Variants in SP140 observed in about 807,000 individuals in gnomAD.
SP140 encodes the protein SP140 nuclear body protein, also known as nuclear body protein SP140.
A neutral mutation model predicts 125.0 loss-of-function variants in SP140; 81 were observed. The ratio of observed to expected loss-of-function variants is 0.65; its 90% CI spans 0.54 to 0.78. SP140 has a LOEUF of 0.78. SP140 is among the 30% of genes least tolerant of loss of function. SP140 has a pLI of 0.00. For missense variants in SP140, 858 were observed against 1,037.0 expected, an observed-to-expected ratio of 0.83 and a Z score of 2.37; for synonymous variants, 312 against 354.0, an observed-to-expected ratio of 0.88 and a Z score of 1.33.
At chr2:230,274,355 A>T (rs775345606) in intron 15 of SP140, among the ~76,000 whole-genome samples, 3 of 152,176 alleles carry the variant, frequency 2.0e-5, no homozygotes, top group Non-Finnish European at 4.4e-5. Context: ...ATAAGATCAC[A>T]TGGGCCACTA....
intron 10 of SP140, among the ~76,000 whole-genome samples, chr2:230,252,918 G>A (rs1039031107): frequency 6.6e-6 from 1 of 151,942 alleles, no homozygotes; most frequent in Non-Finnish European, 1.5e-5. Context: ...AGGCTTTAAG[G>A]AAAAGAAAAA....
chr2:230,251,417 C>T (rs907810082), intron 10 of SP140, among the ~76,000 whole-genome samples: 1 of 152,160 alleles, frequency 6.6e-6, no homozygotes, highest in African/African-American at 2.4e-5. Flanking sequence ...CTGATACCCT[C>T]ACAAAACCTT....
chr2:230,257,827 T>C (rs1345915758), intron 12 of SP140, among the ~76,000 whole-genome samples: 3 of 152,072 alleles, frequency 2.0e-5, no homozygotes, highest in Non-Finnish European at 2.9e-5. Context: ...CTGAATTTAT[T>C]GTTCAGTTAA....
chr2:230,223,984 TG>T (rs923315186), upstream of SP140, among the ~76,000 whole-genome samples: 1 of 152,192 alleles, frequency 6.6e-6, no homozygotes, highest in Non-Finnish European at 1.5e-5. Flanking sequence ...GAACCAGAGA[TG>T]GTCTGATGGT....
At chr2:230,238,479 A>G in intron 3 of SP140, 98 bp downstream of exon 3, 1 of 1,183,814 alleles carries the variant, frequency 8.4e-7, no homozygotes, top group Non-Finnish European at 1.2e-6. Context: ...TATTTGACTG[A>G]GTGACTATTA....
At position 230,211,240 on chromosome 2, in the gene SP140, G is replaced by A. The variant is rs1328667930; in HGVS notation, c.-322-2414G>A. ...CATCATCATCCGTGGCCCTATCCAA[G>A]TCTACCTTTTCCAGACTTGCCTCCT... On this transcript the variant is annotated intron_variant, in intron 1 of 4. Coordinates refer to the SP140 transcript ENST00000456542. The surrounding 1 kb of genome is among the most constrained non-coding windows in gnomAD (Gnocchi z 4.2). Among the ~76,000 whole-genome samples, 1 of 152,134 alleles carries A rather than the reference G, an allele frequency of 6.6e-6. No individual in the cohort carries two copies. The highest frequency in any genetic ancestry group is 6.5e-5 in the Admixed American group (1 of 15,268).
At position 230,211,415 on chromosome 2, in the gene SP140, T is replaced by C. The variant is rs557542614; in HGVS notation, c.-322-2239T>C. On this transcript the variant is annotated intron_variant, in intron 1 of 4. Coordinates refer to the SP140 transcript ENST00000456542. The surrounding 1 kb of genome is among the most constrained non-coding windows in gnomAD (Gnocchi z 4.2). Reference sequence around the variant, plus strand: ...TCTAGAAGATCCGAATGGCTTTTCCTCTTAGTAAACACAGAAACAAAGGCA... The same window carrying C: ...TCTAGAAGATCCGAATGGCTTTTCCCCTTAGTAAACACAGAAACAAAGGCA... 2.6e-6 allele frequency: 3 copies of C among 1,134,526 alleles called. No homozygotes were observed. Among genetic ancestry groups the C allele is most frequent in the Non-Finnish European group, 4.0e-6 (3 of 742,216 alleles). The allele number at this position is 1,134,526 out of a possible 1,614,324, so 70.3% of individuals were successfully genotyped here. A position where few individuals can be genotyped will look rare whatever the true frequency, so the allele number is the denominator to read the frequency against.
intron 1 of SP140, among the ~76,000 whole-genome samples, chr2:230,210,192 C>T (rs2044310612): frequency 6.6e-6 from 1 of 152,152 alleles, no homozygotes; most frequent in African/African-American, 2.4e-5. Context: ...GTTACCTGTG[C>T]GACCATCACA....
Position 230,245,908 on chromosome 2 carries a change from A to G in SP140, c.710A>G (p.Glu237Gly). 1 of 1,606,692 alleles carries G rather than the reference A, an allele frequency of 6.2e-7. No individual in the cohort carries two copies. Among genetic ancestry groups the G allele is most frequent in the East Asian group, 2.2e-5 (1 of 44,870 alleles). The change falls in exon 7 of 27, where the codon GAA (glutamate) becomes GGA (glycine). Residue 237 changes from glutamate to glycine, a missense_variant. Glu to Gly is a moderately conservative substitution (Grantham distance 98). Coordinates refer to ENST00000392045, the MANE Select transcript of SP140 (RefSeq NM_007237.5). ...CAAATAGATGAAGGAGAATCAGAAG[A>G]AATGCCCAAGTTACTGCCTTATGAT... is the stretch of plus-strand genomic sequence containing the variant. ...AIQIDEGESE[E>G]MPKLLPYDTE... is the part of the protein sequence containing the mutation.
intron 26 of SP140, among the ~76,000 whole-genome samples, chr2:230,311,889 G>A (rs2059362036): frequency 6.6e-6 from 1 of 152,208 alleles, no homozygotes; most frequent in African/African-American, 2.4e-5. Flanking sequence ...AGCATATAAA[G>A]AGGAGAGAAT....
chr2:230,248,825 A>C, intron 8 of SP140, 60 bp from the exon 9 acceptor site: 1 of 1,377,228 alleles, frequency 7.3e-7, no homozygotes, highest in Non-Finnish European at 1.0e-6. Context: ...TGGCATGAAC[A>C]CACTGAGGCC....
rs1360508604 is a variant in SP140 at position 230,309,998 on chromosome 2, C to T, written c.2133C>T (p.Val711=). 3 of 1,614,214 alleles carry T rather than the reference C, an allele frequency of 1.9e-6. No individual in the cohort carries two copies. The highest frequency in any genetic ancestry group is 2.5e-6 in the Non-Finnish European group (3 of 1,180,038). ...TCTGTTGCGACACTTGTTCAAGAGT[C>T]TTCCATGAGGACTGTCACATCCCGC... ...ELFCCDTCSR[V]FHEDCHIPPV... is the part of the protein sequence containing the mutation. Residue 711 remains valine, a synonymous_variant, in exon 23 of 27, where the codon GTC becomes GTT. Coordinates refer to ENST00000392045, the MANE Select transcript of SP140 (RefSeq NM_007237.5).
chr2:230,306,935 A>G (rs1042827715), intron 22 of SP140, among the ~76,000 whole-genome samples: 1 of 152,210 alleles, frequency 6.6e-6, no homozygotes, highest in Non-Finnish European at 1.5e-5. Flanking sequence ...TGGGCTGCCA[A>G]TCCTATGGAC....
At chr2:230,279,075 A>C (rs1048735001) in intron 15 of SP140, among the ~76,000 whole-genome samples, 3 of 152,256 alleles carry the variant, frequency 2.0e-5, no homozygotes, top group Admixed American at 1.3e-4. Flanking sequence ...TCCCATTTAC[A>C]ATAGCAACAA....
intron 1 of SP140, among the ~76,000 whole-genome samples, chr2:230,208,406 A>G (rs1235527445): frequency 6.6e-6 from 1 of 152,240 alleles, no homozygotes. Flanking sequence ...TGTGTGAGAC[A>G]TACTGCTTTA....
In SP140 at chr2:230,287,811, A is replaced by G. The variant is rs917155974; in HGVS notation, c.1646-81A>G. The G allele has an allele frequency of 4.1e-6, 5 of 1,228,434 alleles. No individual in the cohort carries two copies. In the South Asian group the frequency reaches 6.5e-5, roughly 16 times the overall value. 76.1% of individuals were successfully genotyped at this position (1,228,434 alleles called of 1,614,324 possible). On this transcript the variant is annotated intron_variant, in intron 17 of 26. Coordinates refer to ENST00000392045, the MANE Select transcript of SP140 (RefSeq NM_007237.5). The stretch of plus-strand genomic sequence containing the variant: ...AACAGGCTTTTGGAAAGTTACATTT[A>G]AATGGAATTTTTGAAAAGCTGTAAT...
intron 12 of SP140, among the ~76,000 whole-genome samples, chr2:230,260,814 C>G (rs950866629): frequency 1.3e-5 from 2 of 152,078 alleles, no homozygotes; most frequent in Non-Finnish European, 1.5e-5. Context: ...TATTTTTGTA[C>G]CAGTACCACT....
At chr2:230,206,635 A>T (rs1479397483) in intron 1 of SP140, among the ~76,000 whole-genome samples, 1 of 116,618 alleles carries the variant, frequency 8.6e-6, no homozygotes, top group East Asian at 2.6e-4. Flanking sequence ...ATATATATAT[A>T]TATGGACCAC....
intron 1 of SP140, among the ~76,000 whole-genome samples, chr2:230,210,629 A>G (rs1372177983): frequency 6.6e-6 from 1 of 152,226 alleles, no homozygotes; most frequent in Non-Finnish European, 1.5e-5. Context: ...AGCACCTGTT[A>G]ACAGCAAAGA....
Sources: allele counts gnomAD v4.1 joint callset (sites outside exome capture counted in the v4.1 genomes callset), GRCh38; gene constraint gnomAD v4.1.1; non-coding constraint Gnocchi (gnomAD v3.1); transcripts MANE v1.5; gene names NCBI Gene and HGNC (gene_info 2026-07-23, HGNC 2026-07-21).